UBAC2: variants seen among roughly 807,000 people sequenced by gnomAD.
UBAC2 encodes ubiquitin-associated domain-containing protein 2.
In UBAC2, 26 loss-of-function variants were observed where a neutral mutation model predicts 44.0. That is an observed-to-expected ratio of 0.59 (90% CI 0.43 to 0.82). The LOEUF (loss-of-function observed/expected upper bound fraction) is 0.82. UBAC2 is among the 40% of genes least tolerant of loss of function. The pLI, the probability that UBAC2 is intolerant of heterozygous loss-of-function variation, is 0.00. For missense variants in UBAC2, 329 were observed against 419.4 expected (o/e 0.78, Z 1.88); for synonymous variants, 155 against 154.3 (o/e 1.00, Z -0.04).
At chr13:99,243,746 G>T (rs151002480) in intron 2 of UBAC2, 86 bp from the exon 3 acceptor site, 25 of 1,177,708 alleles carry the variant, frequency 2.1e-5, no homozygotes, top group Non-Finnish European at 2.7e-5. Flanking sequence ...TTAAAAATAG[G>T]CAGTGTAAAC....
At chr13:99,378,813 CCATT>C (rs2085167888) in intron 8 of UBAC2, among the ~76,000 whole-genome samples, 1 of 152,170 alleles carries the variant, frequency 6.6e-6, no homozygotes, top group South Asian at 2.1e-4. Context: ...TCTTCCATAC[CCATT>C]CATTTGTTGC....
At chr13:99,219,838 T>G (rs1347055059) in intron 1 of UBAC2, among the ~76,000 whole-genome samples, 2 of 152,200 alleles carry the variant, frequency 1.3e-5, no homozygotes, top group East Asian at 1.9e-4. Context: ...TATGACTGGC[T>G]TTTTTTCACT....
At chr13:99,262,304 T>C (rs892000750) in intron 4 of UBAC2, among the ~76,000 whole-genome samples, 3 of 152,210 alleles carry the variant, frequency 2.0e-5, no homozygotes, top group African/African-American at 7.2e-5. Flanking sequence ...TTTGGTACTA[T>C]CTGCAGTTTC....
Position 99,238,501 on chromosome 13 carries a change from C to T in UBAC2, c.106C>T (p.His36Tyr). ...CCTCCTGCTCGCCCTCCTCCTGCCT[C>T]ACTGCCAGAAGCTCTTTGTGTATGA... Reference protein sequence around the residue: ...LSLLLALLLPHCQKLFVYDLH... With the variant: ...LSLLLALLLPYCQKLFVYDLH... The change falls in exon 2 of 9, where the codon CAC becomes TAC. Residue 36 changes from histidine (H) to tyrosine (Y), a missense_variant. Physicochemically the swap from His to Tyr is moderately conservative, Grantham distance 83 (BLOSUM62 2). Coordinates refer to ENST00000403766, the MANE Select transcript of UBAC2 (RefSeq NM_001144072.2). 6.2e-7 allele frequency: 1 copy of T among 1,613,950 alleles called. No homozygotes were observed. The highest frequency in any genetic ancestry group is 1.1e-5 in the South Asian group (1 of 91,076).
At chr13:99,342,205 T>C (rs1010681161) in intron 7 of UBAC2, among the ~76,000 whole-genome samples, 18 of 152,236 alleles carry the variant, frequency 1.2e-4, no homozygotes, top group Non-Finnish European at 2.2e-4. Context: ...GCTGGTCTTA[T>C]GGAGCACAGT....
intron 4 of UBAC2, among the ~76,000 whole-genome samples, chr13:99,292,946 G>T (rs1020689921): frequency 6.6e-6 from 1 of 152,132 alleles, no homozygotes; most frequent in African/African-American, 2.4e-5. Flanking sequence ...TTGACCTCCT[G>T]GTTAGGAGAA....
At chr13:99,381,599 A>G (rs1338852304) in intron 8 of UBAC2, among the ~76,000 whole-genome samples, 1 of 152,226 alleles carries the variant, frequency 6.6e-6, no homozygotes, top group Non-Finnish European at 1.5e-5. Flanking sequence ...GTTTGGCCTG[A>G]GTTATCTCCA....
intron 5 of UBAC2, among the ~76,000 whole-genome samples, 198 bp downstream of exon 5, chr13:99,314,418 T>A (rs1467987703): frequency 6.6e-6 from 1 of 152,196 alleles, no homozygotes; most frequent in Non-Finnish European, 1.5e-5. Flanking sequence ...TAGAATACTT[T>A]CATAGTCTTT....
chr13:99,339,632 C>T (rs1406272913), intron 6 of UBAC2, among the ~76,000 whole-genome samples: 1 of 134,660 alleles, frequency 7.4e-6, no homozygotes, highest in African/African-American at 3.0e-5. Flanking sequence ...ATCAAATTCA[C>T]ATCAAGATTT....
At chr13:99,291,673 G>A (rs1012820777) in intron 4 of UBAC2, among the ~76,000 whole-genome samples, 2 of 152,038 alleles carry the variant, frequency 1.3e-5, no homozygotes, top group South Asian at 2.1e-4. Context: ...CTCCTTTAAT[G>A]TGTCTAATTT....
chr13:99,300,693 T>A (rs1310352357), intron 4 of UBAC2, among the ~76,000 whole-genome samples: 1 of 152,236 alleles, frequency 6.6e-6, no homozygotes, highest in Non-Finnish European at 1.5e-5. Flanking sequence ...GGTACCTTTT[T>A]GTATTAGAGG....
chr13:99,259,495 A>T (rs891318180), intron 4 of UBAC2, among the ~76,000 whole-genome samples: 4 of 152,118 alleles, frequency 2.6e-5, no homozygotes, highest in Admixed American at 6.5e-5. Context: ...CATAGCAACT[A>T]TTTCTTGTGT....
At chr13:99,343,342 T>C (rs1453300187) in intron 7 of UBAC2, among the ~76,000 whole-genome samples, 6 of 150,976 alleles carry the variant, frequency 4.0e-5, no homozygotes, top group African/African-American at 9.7e-5. Flanking sequence ...GGTTCTCCTT[T>C]CCTGCCTTGC....
chr13:99,381,845 C>T (rs1419645203), intron 8 of UBAC2, among the ~76,000 whole-genome samples: 1 of 152,140 alleles, frequency 6.6e-6, no homozygotes, highest in African/African-American at 2.4e-5. Flanking sequence ...AACCAAGTGG[C>T]AGAATTGAAG....
At chr13:99,373,329 A>G (rs1245537317) in intron 8 of UBAC2, among the ~76,000 whole-genome samples, 1 of 152,158 alleles carries the variant, frequency 6.6e-6, no homozygotes, top group African/African-American at 2.4e-5. Flanking sequence ...CCCAAAGCTT[A>G]GAAAATGACT....
At chr13:99,233,500 G>C (rs2043199310) in intron 1 of UBAC2, among the ~76,000 whole-genome samples, 1 of 152,152 alleles carries the variant, frequency 6.6e-6, no homozygotes, top group South Asian at 2.1e-4. Context: ...GGGTATAGGT[G>C]AGCCTAAAGC....
At chr13:99,284,440 A>G (rs772456977) in intron 4 of UBAC2, among the ~76,000 whole-genome samples, 2 of 152,256 alleles carry the variant, frequency 1.3e-5, no homozygotes, top group Non-Finnish European at 2.9e-5. Context: ...AGTTGCAAGG[A>G]TAAAACAAAG....
chr13:99,254,913 T>C, intron 4 of UBAC2: 2 of 1,614,116 alleles, frequency 1.2e-6, no homozygotes, highest in Non-Finnish European at 1.7e-6. Context: ...TTAGTGACCG[T>C]AGACTACCAG....
chr13:99,306,135 A>G (rs2044330701), intron 4 of UBAC2, among the ~76,000 whole-genome samples: 1 of 152,108 alleles, frequency 6.6e-6, no homozygotes, highest in African/African-American at 2.4e-5. Context: ...ATCTCAGGTG[A>G]TCCGCCTGCC....
Sources: allele counts gnomAD v4.1 joint callset (sites outside exome capture counted in the v4.1 genomes callset), GRCh38; gene constraint gnomAD v4.1.1; transcripts MANE v1.5; gene names NCBI Gene and HGNC (gene_info 2026-07-23, HGNC 2026-07-21).